The following TEX26 variants were observed in gnomAD, a reference collection of about 807,000 sequenced individuals.
TEX26 encodes the protein testis expressed 26.
A neutral mutation model predicts 35.3 loss-of-function variants in TEX26; 34 were observed. That is an observed-to-expected ratio of 0.96 (90% CI 0.73 to 1.28). The LOEUF (loss-of-function observed/expected upper bound fraction) is 1.28. Among genes scored for constraint, TEX26 ranks in the 50% most tolerant of loss-of-function variants. The pLI is 0.00. For missense variants in TEX26, 371 were observed against 330.1 expected (o/e 1.12, Z -0.96); for synonymous variants, 136 against 111.8 (o/e 1.22, Z -1.36).
At chr13:30,966,198 C>T (rs377640903) in intron 4 of TEX26, 24 bp from the exon 5 acceptor site, 90 of 1,613,294 alleles carry the variant, frequency 5.6e-5, no homozygotes, top group Non-Finnish European at 7.3e-5. Context: ...GTAAGTATTG[C>T]CTTCCATTTC....
intron 6 of TEX26, among the ~76,000 whole-genome samples, chr13:30,971,101 C>T (rs532695753): frequency 2.5e-4 from 38 of 152,328 alleles, no homozygotes; most frequent in African/African-American, 8.9e-4. Flanking sequence ...TTTCACTCCT[C>T]TTTCCAAGCT....
chr13:30,934,037 T>C (rs1953174568), intron 1 of TEX26, among the ~76,000 whole-genome samples: 1 of 152,124 alleles, frequency 6.6e-6, no homozygotes, highest in Admixed American at 6.5e-5. Flanking sequence ...TCCATGTGGG[T>C]GTCACAGCAG....
intron 5 of TEX26, 34 bp downstream of exon 5, chr13:30,966,432 C>CTTTTTTTTTTTTTTTT (rs10523710): frequency 1.2e-6 from 1 of 847,872 alleles, no homozygotes; most frequent in Non-Finnish European, 1.5e-6. Context: ...TTCTTTTTCT[C>CTTTTTTTTTTTTTTTT]TTTTTTTTTT....
In TEX26 at chr13:30,949,516, T is replaced by C. The variant is rs552612669; in HGVS notation, c.147-3144T>C. On this transcript the variant is annotated intron_variant, in intron 2 of 6. Coordinates refer to ENST00000380473, the MANE Select transcript of TEX26 (RefSeq NM_152325.3). Reference sequence around the variant, plus strand: ...ATTTTGAGAATATTATAAAAACCACTGAAAAATAAATTATGGAATGCATAT... The same window carrying C: ...ATTTTGAGAATATTATAAAAACCACCGAAAAATAAATTATGGAATGCATAT... Among the ~76,000 whole-genome samples the C allele has an allele frequency of 8.5e-5, 13 of 152,124 alleles. No individual in the cohort carries two copies. In the South Asian group the frequency reaches 2.7e-3, roughly 32 times the overall value.
chr13:30,966,533 G>A (rs1954543262), intron 5 of TEX26, 135 bp downstream of exon 5: 4 of 768,890 alleles, frequency 5.2e-6, no homozygotes, highest in Non-Finnish European at 7.9e-6. Context: ...CGCCTCCTGG[G>A]TTCAAGCGAT....
intron 6 of TEX26, chr13:30,973,625 A>T (rs903707500): frequency 6.6e-6 from 1 of 152,228 alleles, no homozygotes; most frequent in Non-Finnish European, 1.5e-5. Flanking sequence ...ACATAATTGG[A>T]GAGAAAACAG....
chr13:30,966,423 T>C (rs201261908), intron 5 of TEX26, 25 bp downstream of exon 5: 11 of 1,516,352 alleles, frequency 7.3e-6, no homozygotes, highest in Middle Eastern at 1.8e-4. Flanking sequence ...AGTTTCTTTT[T>C]CTTTTTCTCT....
chr13:30,959,123 A>G (rs887565211), intron 4 of TEX26, among the ~76,000 whole-genome samples: 4 of 152,214 alleles, frequency 2.6e-5, no homozygotes, highest in Non-Finnish European at 4.4e-5. Flanking sequence ...GAGTCAGTTT[A>G]TACATGGTAT....
chr13:30,952,001 A>ATTTTTTTTTTTTTTTTTTTTTTTTTTTTT (rs751918742), intron 2 of TEX26, among the ~76,000 whole-genome samples: 2 of 50,714 alleles, frequency 3.9e-5, no homozygotes, highest in African/African-American at 9.9e-5. Context: ...TTATTCTGGG[A>ATTTTTTTTTTTTTTTTTTTTTTTTTTTTT]TTTTTTTTTT....
At chr13:30,940,702 C>T (rs1015013133) in intron 2 of TEX26, among the ~76,000 whole-genome samples, 1 of 152,114 alleles carries the variant, frequency 6.6e-6, no homozygotes, top group Non-Finnish European at 1.5e-5. Flanking sequence ...TTATCATCTT[C>T]ATTCTGTGAA....
chr13:30,969,033 T>C lies in TEX26; in HGVS notation c.795T>C (p.Ser265=), dbSNP rs200354780. 3.5e-5 allele frequency: 56 copies of C among 1,613,250 alleles called. No homozygotes were observed. The highest frequency in any genetic ancestry group is 4.7e-5 in the Non-Finnish European group (55 of 1,179,612). ...TSSQVKEYLQ[S]LSYKDRQIID... ...CTCAAGTCAAAGAGTACCTTCAGAG[T>C]CTTTCCTACAAAGGTAAGATGAGGT... The change falls in exon 6 of 7, where the codon AGT becomes AGC. Residue 265 remains serine, a synonymous_variant. Transcript: ENST00000380473.
At chr13:30,966,095 A>C in intron 4 of TEX26, 127 bp from the exon 5 acceptor site, 1 of 949,300 alleles carries the variant, frequency 1.1e-6, no homozygotes, top group African/African-American at 1.7e-5. Flanking sequence ...GACAAAGCAG[A>C]AAATTATTTC....
intron 1 of TEX26, chr13:30,933,347 G>C: frequency 6.6e-6 from 1 of 152,382 alleles, no homozygotes; most frequent in East Asian, 1.9e-4. Flanking sequence ...ATTTCACAGA[G>C]GTAGTGCTTT....
rs1294337640 is a variant in TEX26 at position 30,975,299 on chromosome 13, A to C, written c.*392A>C. 1 of 153,816 alleles carries C rather than the reference A, an allele frequency of 6.5e-6. No homozygotes were observed. Among genetic ancestry groups the C allele is most frequent in the Non-Finnish European group, 1.4e-5 (1 of 69,180 alleles). The allele number at this position is 153,816 out of a possible 1,614,324, so 9.5% of individuals were successfully genotyped here. On this transcript the variant is annotated 3_prime_UTR_variant, in exon 7 of 7. Transcript: ENST00000380473. ...CTCTTCTTTGAATGAATGAAAGTTT[A>C]AAAATCTGCTTTTGGGAAATCAATT...
intron 2 of TEX26, among the ~76,000 whole-genome samples, chr13:30,947,188 AC>A (rs1953742453): frequency 6.6e-6 from 1 of 152,182 alleles, no homozygotes; most frequent in Non-Finnish European, 1.5e-5. Flanking sequence ...ATTATGAAAT[AC>A]AAAAAGAAAA....
In TEX26 at chr13:30,932,669, G is replaced by A. The variant is rs746864292; in HGVS notation, c.-47G>A. 1.9e-6 allele frequency: 3 copies of A among 1,598,300 alleles called. No homozygotes were observed. Among genetic ancestry groups the A allele is most frequent in the African/African-American group, 1.3e-5 (1 of 74,768 alleles). On this transcript the variant is annotated 5_prime_UTR_variant, in exon 1 of 7. Coordinates refer to ENST00000380473, the MANE Select transcript of TEX26 (RefSeq NM_152325.3). ...AAAGCAGCCCGCGGCTCCCGCAAGCGCTGAGATAGCTGGAGCCAGGGCCCC... is the reference window on the plus strand; with the variant it reads ...AAAGCAGCCCGCGGCTCCCGCAAGCACTGAGATAGCTGGAGCCAGGGCCCC...
At chr13:30,943,580 G>A (rs556341277) in intron 2 of TEX26, among the ~76,000 whole-genome samples, 1 of 152,108 alleles carries the variant, frequency 6.6e-6, no homozygotes, top group African/African-American at 2.4e-5. Flanking sequence ...TCCCCATTTG[G>A]TGTAATGAAA....
At chr13:30,940,322 C>CTTTTT (rs869246492) in intron 2 of TEX26, among the ~76,000 whole-genome samples, 600 of 52,064 alleles carry the variant, frequency 0.012, 134 homozygotes, top group African/African-American at 0.022. Flanking sequence ...CATCAGCTGC[C>CTTTTT]TTTTTTTTTT....
chr13:30,970,317 G>A (rs1954673606), intron 6 of TEX26, among the ~76,000 whole-genome samples: 1 of 152,076 alleles, frequency 6.6e-6, no homozygotes, highest in South Asian at 2.1e-4. Context: ...ACAAGAAGCA[G>A]GTGTTTCCCT....
Sources: gnomAD v4.1 joint callset for allele counts (sites outside exome capture counted in the v4.1 genomes callset) on GRCh38, gnomAD v4.1.1 for gene constraint, MANE v1.5 for transcripts, NCBI Gene and HGNC (gene_info 2026-07-23, HGNC 2026-07-21) for gene names.